Variants in ZC2HC1B observed in about 807,000 individuals in gnomAD.
ZC2HC1B encodes zinc finger C2HC-type containing 1B, also known as zinc finger C2HC domain-containing protein 1B.
A neutral mutation model predicts 31.0 loss-of-function variants in ZC2HC1B; 36 were observed. That is an observed-to-expected ratio of 1.16 (90% CI 0.89 to 1.54). ZC2HC1B has a LOEUF of 1.54. Ranked by LOEUF, ZC2HC1B falls within the 40% of genes most tolerant of loss-of-function variation. ZC2HC1B has a pLI of 0.00. For synonymous variants in ZC2HC1B, 73 were observed against 88.0 expected (o/e 0.83, Z 0.95); for missense variants, 260 against 268.6 (o/e 0.97, Z 0.22).
At chr6:143,880,097 G>T (rs866356036) in intron 1 of ZC2HC1B, among the ~76,000 whole-genome samples, 2 of 151,886 alleles carry the variant, frequency 1.3e-5, no homozygotes, top group Non-Finnish European at 2.9e-5. Context: ...AAATATGCTG[G>T]GATTACAGTT....
chr6:143,878,709 A>T (rs1199983244), intron 1 of ZC2HC1B, among the ~76,000 whole-genome samples: 3 of 137,008 alleles, frequency 2.2e-5, no homozygotes, highest in Non-Finnish European at 4.9e-5. Flanking sequence ...TGATCCATTA[A>T]CAAAAATGTT....
chr6:143,903,099 C>G lies in ZC2HC1B; in HGVS notation c.545C>G (p.Ala182Gly). 6.4e-7 allele frequency: 1 copy of G among 1,552,036 alleles called. No individual in the cohort carries two copies. The highest frequency in any genetic ancestry group is 1.4e-5 in the African/African-American group (1 of 73,174). The change falls in exon 6 of 8, where the codon GCT becomes GGT. Residue 182 changes from alanine to glycine, a missense_variant. Transcript: ENST00000237275. This position sits in a 1 kb window ranked among gnomAD's most constrained non-coding sequence, Gnocchi z 4.3. ...CCAACTGTTACCAGTGCTGTGGGAG[C>G]TTTGCTGCAGAACAGGGTCCTGGTG... is the stretch of plus-strand genomic sequence containing the variant. ...KEPTVTSAVG[A>G]LLQNRVLVAT...
In ZC2HC1B at chr6:143,903,063, C is replaced by A. The variant is rs1489534796; in HGVS notation, c.509C>A (p.Pro170Gln). 25 of 1,551,450 alleles carry A rather than the reference C, an allele frequency of 1.6e-5. No individual in the cohort carries two copies. Among genetic ancestry groups the A allele is most frequent in the African/African-American group, 2.7e-5 (2 of 72,976 alleles). ...CTGTAGGGTAGGGCTCAGATGGGTC[C>A]AAAAAAAGAACCAACTGTTACCAGT... ...SRAQGRAQMGPKKEPTVTSAV... is the reference protein window; with the variant it reads ...SRAQGRAQMGQKKEPTVTSAV... The change falls in exon 6 of 8, where the codon CCA becomes CAA. Residue 170 changes from proline (P) to glutamine (Q), a missense_variant. Coordinates refer to ENST00000237275, the MANE Select transcript of ZC2HC1B (RefSeq NM_001013623.3). The surrounding 1 kb of genome is among the most constrained non-coding windows in gnomAD (Gnocchi z 4.3).
intron 1 of ZC2HC1B, chr6:143,881,879 T>G (rs968406318): frequency 6.6e-6 from 1 of 152,190 alleles, no homozygotes; most frequent in Non-Finnish European, 1.5e-5. Flanking sequence ...TTGAATCATA[T>G]CATTTGTATC....
intron 1 of ZC2HC1B, among the ~76,000 whole-genome samples, chr6:143,879,791 GT>G (rs11454914): frequency 1.6e-3 from 145 of 92,998 alleles, no homozygotes; most frequent in Admixed American, 7.3e-3. Context: ...GTTTGTTTTT[GT>G]TTTTTTTTTT....
In ZC2HC1B at chr6:143,886,811, C is replaced by G; in HGVS notation, c.339C>G (p.Ser113=). ...CCCTCCCACCTCCACCCCCTCCATCCTTGAACCCAGGTGTGTAGACATTTT... is the reference window on the plus strand; with the variant it reads ...CCCTCCCACCTCCACCCCCTCCATCGTTGAACCCAGGTGTGTAGACATTTT... The part of the protein sequence containing the change: ...GRPLPPPPPP[S]LNPDYIQRPY... Residue 113 remains serine (S), a synonymous_variant, in exon 4 of 8, where the codon TCC becomes TCG. Transcript: ENST00000237275. The surrounding 1 kb of genome is among the most constrained non-coding windows in gnomAD (Gnocchi z 4.2). The G allele has an allele frequency of 1.3e-6, 2 of 1,532,742 alleles. No individual in the cohort carries two copies. Among genetic ancestry groups the G allele is most frequent in the Non-Finnish European group, 1.8e-6 (2 of 1,138,920 alleles). The allele number at this position is 1,532,742 out of a possible 1,614,324, so 94.9% of individuals were successfully genotyped here.
intron 1 of ZC2HC1B, among the ~76,000 whole-genome samples, chr6:143,874,861 C>A (rs1777387151): frequency 6.6e-6 from 1 of 152,036 alleles, no homozygotes; most frequent in Admixed American, 6.6e-5. Context: ...GAGATGAGGT[C>A]TCTTTCTGTT....
chr6:143,902,668 A>T (rs941044408), intron 5 of ZC2HC1B, among the ~76,000 whole-genome samples: 2 of 152,234 alleles, frequency 1.3e-5, no homozygotes, highest in African/African-American at 4.8e-5. Flanking sequence ...CATGTTAAAA[A>T]AAACAAAATA....
At chr6:143,880,068 C>A (rs1416061536) in intron 1 of ZC2HC1B, among the ~76,000 whole-genome samples, 1 of 151,994 alleles carries the variant, frequency 6.6e-6, no homozygotes, top group Non-Finnish European at 1.5e-5. Context: ...CTCAAGCAAT[C>A]CTCTCACCTT....
chr6:143,872,681 C>CCATG lies in ZC2HC1B; in HGVS notation c.28+8114_28+8115insCATG, dbSNP rs1777355877. Among the ~76,000 whole-genome samples, 1 of 152,130 alleles carries CCATG rather than the reference C, an allele frequency of 6.6e-6. No individual in the cohort carries two copies. The highest frequency in any genetic ancestry group is 6.6e-5 in the Admixed American group (1 of 15,258). On this transcript the variant is annotated intron_variant, in intron 1 of 7. Transcript: ENST00000237275. The surrounding 1 kb of genome is among the most constrained non-coding windows in gnomAD (Gnocchi z 5.5). ...GAATCATGGCAGAAGGCAAAAGGCA[C>CCATG]TACTTACATGGTGGCAGCAAGAGAA...
At chr6:143,919,217 C>CTGTGTGTGTGTGTGTGTGTGTG in intron 6 of ZC2HC1B, among the ~76,000 whole-genome samples, 1 of 123,698 alleles carries the variant, frequency 8.1e-6, no homozygotes, top group East Asian at 3.2e-4. Flanking sequence ...TTGCTATTCT[C>CTGTGTGTGTGTGTGTGTGTGTG]TGTGTGTGTG....
chr6:143,907,637 T>C (rs1335853414), intron 6 of ZC2HC1B, among the ~76,000 whole-genome samples: 3 of 152,216 alleles, frequency 2.0e-5, no homozygotes, highest in South Asian at 2.1e-4. Context: ...GTTTTTATCT[T>C]TTAAATTTGT....
intron 4 of ZC2HC1B, among the ~76,000 whole-genome samples, chr6:143,897,000 G>A (rs148086378): frequency 2.0e-5 from 3 of 152,108 alleles, no homozygotes; most frequent in African/African-American, 4.8e-5. Flanking sequence ...TTAATGATGA[G>A]GTACTGCCTT....
At chr6:143,912,290 A>G (rs1399527453) in intron 6 of ZC2HC1B, among the ~76,000 whole-genome samples, 1 of 152,212 alleles carries the variant, frequency 6.6e-6, no homozygotes, top group African/African-American at 2.4e-5. Context: ...GCCTCAGCCC[A>G]GTTCTCAGCC....
chr6:143,901,009 T>G (rs779733660), intron 5 of ZC2HC1B, among the ~76,000 whole-genome samples: 42 of 151,612 alleles, frequency 2.8e-4, no homozygotes, highest in Non-Finnish European at 5.7e-4. Flanking sequence ...TGACTAATTT[T>G]TGTATGTTCA....
In ZC2HC1B at chr6:143,924,721, A is replaced by G. The variant is rs1470691841; in HGVS notation, c.599-12928A>G. ...TTTGTTAAGAGTTTTAATCATGAAA[A>G]GAAGTTGAATTTTATAAAATTCCTT... On this transcript the variant is annotated intron_variant, in intron 6 of 7. Transcript: ENST00000237275. The surrounding 1 kb of genome is among the most constrained non-coding windows in gnomAD (Gnocchi z 5.2). Among the ~76,000 whole-genome samples, 2 of 152,224 alleles carry G rather than the reference A, an allele frequency of 1.3e-5. No individual in the cohort carries two copies. Among genetic ancestry groups the G allele is most frequent in the Admixed American group, 1.3e-4 (2 of 15,274 alleles).
chr6:143,934,830 G>A lies in ZC2HC1B; in HGVS notation c.599-2819G>A, dbSNP rs1778157933. 6.6e-6 allele frequency among the ~76,000 whole-genome samples: 1 copy of A among 152,160 alleles called. No homozygotes were observed. Among genetic ancestry groups the A allele is most frequent in the Non-Finnish European group, 1.5e-5 (1 of 68,020 alleles). ...AGCTGGTCTTCAGGCCTCAGTGGTG[G>A]CAGCAGTAGACTGAGCCTGCCTGTC... is the stretch of plus-strand genomic sequence containing the variant. On this transcript the variant is annotated intron_variant, in intron 6 of 7. Coordinates refer to ENST00000237275, the MANE Select transcript of ZC2HC1B (RefSeq NM_001013623.3). This position sits in a 1 kb window ranked among gnomAD's most constrained non-coding sequence, Gnocchi z 4.6.
chr6:143,937,559 T>G (rs1778193491), intron 6 of ZC2HC1B, 90 bp from the exon 7 acceptor site: 1 of 1,209,926 alleles, frequency 8.3e-7, no homozygotes, highest in African/African-American at 1.6e-5. Context: ...TAGAAACTTT[T>G]GAACCCATGT....
chr6:143,910,960 C>A (rs1454095058), intron 6 of ZC2HC1B, among the ~76,000 whole-genome samples: 1 of 152,088 alleles, frequency 6.6e-6, no homozygotes, highest in Non-Finnish European at 1.5e-5. Context: ...ACCATGTTGG[C>A]CAGGGTAGTC....
Sources: gnomAD v4.1 joint callset for allele counts (sites outside exome capture counted in the v4.1 genomes callset) on GRCh38, gnomAD v4.1.1 for gene constraint, Gnocchi (gnomAD v3.1) non-coding constraint, MANE v1.5 for transcripts, NCBI Gene and HGNC (gene_info 2026-07-23, HGNC 2026-07-21) for gene names.